The following DPP6 variants were observed in gnomAD, a reference collection of about 807,000 sequenced individuals.
The protein encoded by DPP6 is dipeptidyl peptidase like 6.
In DPP6, 69 loss-of-function variants were observed where a neutral mutation model predicts 122.6. The ratio of observed to expected loss-of-function variants is 0.56; its 90% CI spans 0.46 to 0.69. DPP6 has a LOEUF of 0.69. Ranked by LOEUF, DPP6 falls within the 30% of genes least tolerant of loss-of-function variation. DPP6 has a pLI of 0.00. For synonymous variants in DPP6, 418 were observed against 433.1 expected, an observed-to-expected ratio of 0.97 and a Z score of 0.43; for missense variants, 928 against 1,116.9, an observed-to-expected ratio of 0.83 and a Z score of 2.41.
At chr7:154,042,256 C>T (rs2533767) in intron 1 of DPP6, among the ~76,000 whole-genome samples, 10 of 152,220 alleles carry the variant, frequency 6.6e-5, no homozygotes, top group Admixed American at 1.3e-4. Flanking sequence ...CTTCATCAAG[C>T]GGACACCCTT....
At chr7:153,955,020 T>C (rs1048467864) in intron 1 of DPP6, among the ~76,000 whole-genome samples, 2 of 152,150 alleles carry the variant, frequency 1.3e-5, no homozygotes. Context: ...TGGGGCAAAT[T>C]GATATTTAAA....
the DPP6 span, among the ~76,000 whole-genome samples, chr7:153,855,238 T>TA: frequency 4.0e-4 from 58 of 143,728 alleles, no homozygotes; most frequent in African/African-American, 8.6e-4. Flanking sequence ...TAAAGTATAA[T>TA]AAAAAAAAAG....
At chr7:154,489,435 T>C (rs1447060445) in intron 3 of DPP6, among the ~76,000 whole-genome samples, 1 of 152,194 alleles carries the variant, frequency 6.6e-6, no homozygotes, top group Non-Finnish European at 1.5e-5. Context: ...CACTTTGCAG[T>C]TGAAATGGAA....
chr7:154,575,410 T>TTG (rs1831544996), intron 5 of DPP6, among the ~76,000 whole-genome samples: 1 of 40,752 alleles, frequency 2.5e-5, no homozygotes, highest in East Asian at 9.7e-4. Context: ...TGTGTGGTGT[T>TTG]TGTGTATGTG....
intron 3 of DPP6, among the ~76,000 whole-genome samples, chr7:154,505,666 G>C (rs1454369578): frequency 6.6e-6 from 1 of 152,140 alleles, no homozygotes; most frequent in Non-Finnish European, 1.5e-5. Context: ...AAGTAGACTG[G>C]GTTTATAGGG....
the DPP6 span, among the ~76,000 whole-genome samples, chr7:153,801,602 C>T: frequency 3.3e-5 from 5 of 152,136 alleles, no homozygotes; most frequent in African/African-American, 1.2e-4. Flanking sequence ...CTGTTGAGAG[C>T]CACACAGACC....
At chr7:154,859,577 G>A (rs777126062) in intron 17 of DPP6, among the ~76,000 whole-genome samples, 1 of 152,120 alleles carries the variant, frequency 6.6e-6, no homozygotes, top group Non-Finnish European at 1.5e-5. Context: ...AACCACCCTG[G>A]GAATATTTGA....
intron 1 of DPP6, among the ~76,000 whole-genome samples, chr7:153,910,237 T>TC (rs1022461559): frequency 2.0e-5 from 3 of 148,758 alleles, no homozygotes; most frequent in Admixed American, 1.3e-4. Flanking sequence ...TTTCTTTCTT[T>TC]TTTTTTTTTT....
chr7:154,125,201 T>A (rs947070498), intron 1 of DPP6, among the ~76,000 whole-genome samples: 2 of 152,124 alleles, frequency 1.3e-5, no homozygotes, highest in Non-Finnish European at 2.9e-5. Flanking sequence ...GAGGGAGACA[T>A]GACACTCTGC....
intron 1 of DPP6, among the ~76,000 whole-genome samples, chr7:154,301,394 C>G (rs1340086254): frequency 6.6e-6 from 1 of 152,126 alleles, no homozygotes; most frequent in African/African-American, 2.4e-5. Context: ...CAAGTCTTCT[C>G]TGAGTTGCTT....
intron 1 of DPP6, among the ~76,000 whole-genome samples, chr7:153,946,815 C>G (rs918540315): frequency 6.6e-6 from 1 of 152,126 alleles, no homozygotes; most frequent in African/African-American, 2.4e-5. Context: ...ATGGTAAATA[C>G]GATTTGGCTG....
At chr7:154,340,880 A>G (rs535657874) in intron 1 of DPP6, among the ~76,000 whole-genome samples, 3 of 152,324 alleles carry the variant, frequency 2.0e-5, no homozygotes, top group Admixed American at 2.0e-4. Context: ...TGTCCACTAC[A>G]GAATGCCTGG....
At chr7:154,330,876 A>G (rs1808869398) in intron 1 of DPP6, among the ~76,000 whole-genome samples, 1 of 152,182 alleles carries the variant, frequency 6.6e-6, no homozygotes, top group Non-Finnish European at 1.5e-5. Context: ...GGCAGGGCAG[A>G]GCAGCTGTAT....
At chr7:154,036,465 G>GT (rs1301668355) in intron 1 of DPP6, among the ~76,000 whole-genome samples, 2 of 148,128 alleles carry the variant, frequency 1.4e-5, no homozygotes, top group Non-Finnish European at 3.0e-5. Flanking sequence ...AGCTTCAAAT[G>GT]TCTTGCTTAC....
chr7:154,691,642 AC>A (rs2131218880), intron 7 of DPP6, among the ~76,000 whole-genome samples: 1 of 151,948 alleles, frequency 6.6e-6, no homozygotes, highest in African/African-American at 2.4e-5. Context: ...ACATGGTGAA[AC>A]CCCGTCTCTA....
intron 4 of DPP6, among the ~76,000 whole-genome samples, chr7:154,553,902 C>CAAAA (rs56020996): frequency 9.7e-6 from 1 of 103,134 alleles, no homozygotes; most frequent in Non-Finnish European, 2.0e-5. Flanking sequence ...AGCCTAATGC[C>CAAAA]AAAAAAAAAA....
At chr7:154,508,439 T>A (rs1825823456) in intron 3 of DPP6, among the ~76,000 whole-genome samples, 1 of 152,182 alleles carries the variant, frequency 6.6e-6, no homozygotes, top group Non-Finnish European at 1.5e-5. Flanking sequence ...TGTATCTTGA[T>A]GGCAGACTCA....
chr7:153,797,183 G>A, the DPP6 span, among the ~76,000 whole-genome samples: 1 of 152,300 alleles, frequency 6.6e-6, no homozygotes, highest in East Asian at 1.9e-4. Flanking sequence ...GCTTTCAAGA[G>A]ACTCTGAGCC....
intron 1 of DPP6, among the ~76,000 whole-genome samples, chr7:154,223,870 A>G (rs1255490303): frequency 3.4e-5 from 5 of 148,908 alleles, no homozygotes; most frequent in Middle Eastern, 3.4e-3. Context: ...ATGGAGGTGA[A>G]TAGAACACTC....
Sources: gnomAD v4.1 joint callset for allele counts (sites outside exome capture counted in the v4.1 genomes callset) on GRCh38, gnomAD v4.1.1 for gene constraint, MANE v1.5 for transcripts, NCBI Gene and HGNC (gene_info 2026-07-23, HGNC 2026-07-21) for gene names.